Variants in MGST1 observed in about 807,000 individuals in gnomAD.
MGST1 encodes glutathione S-transferase 12.
A neutral mutation model predicts 8.9 loss-of-function variants in MGST1; 5 were observed. The ratio of observed to expected loss-of-function variants is 0.56; its 90% CI spans 0.29 to 1.19. The LOEUF (loss-of-function observed/expected upper bound fraction) is 1.19. Among genes scored for constraint, MGST1 ranks in the 50% most tolerant of loss-of-function variants. The probability of loss-of-function intolerance (pLI) is 0.08; values close to 1 mark genes in which losing one functional copy is unlikely to be tolerated. For missense variants in MGST1, 182 were observed against 187.4 expected (o/e 0.97, Z 0.17); for synonymous variants, 54 against 67.8 (o/e 0.80, Z 1.00).
At chr12:16,476,239 A>G (rs1941322339) in intron 4 of MGST1, among the ~76,000 whole-genome samples, 1 of 152,206 alleles carries the variant, frequency 6.6e-6, no homozygotes, top group Admixed American at 6.5e-5. Flanking sequence ...GACATCAAAC[A>G]CTAAGCAGGA....
intron 1 of MGST1, chr12:16,402,335 G>T: frequency 6.3e-7 from 1 of 1,598,650 alleles, no homozygotes; most frequent in Non-Finnish European, 8.6e-7. Context: ...CTCAACGTTG[G>T]CATACTCATC....
At chr12:16,364,442 A>G (rs1940146013), downstream of MGST1, 1 of 972,404 alleles carries the variant, frequency 1.0e-6, no homozygotes, top group African/African-American at 1.8e-5. The surrounding 1 kb of genome is among the most constrained non-coding windows in gnomAD (Gnocchi z 5.7). Flanking sequence ...CCAACATTTT[A>G]TTTTCAAAAG....
rs1208911743 is a variant in MGST1 at position 16,401,626 on chromosome 12, T to A, written n.778+18022T>A. On this transcript the variant is annotated intron_variant and non_coding_transcript_variant, in intron 1 of 1. Transcript: ENST00000359720. The surrounding 1 kb of genome is among the most constrained non-coding windows in gnomAD (Gnocchi z 4.3). Reference sequence around the variant, plus strand: ...GCACAAGTGATAGCCCCAAAATACATGTGATTCTTGTCACTCACCACACTG... The same window carrying A: ...GCACAAGTGATAGCCCCAAAATACAAGTGATTCTTGTCACTCACCACACTG... The A allele has an allele frequency of 6.3e-7, 1 of 1,577,216 alleles. No individual in the cohort carries two copies. The highest frequency in any genetic ancestry group is 1.3e-5 in the African/African-American group (1 of 74,152).
At chr12:16,402,362 T>C in intron 1 of MGST1, 1 of 1,603,398 alleles carries the variant, frequency 6.2e-7, no homozygotes, top group Admixed American at 1.7e-5. Context: ...TTTCTGCCAA[T>C]TGCTGTACAG....
rs773319605 is a variant in MGST1, at chr12:16,586,706, A to G, written n.483-2822A>G. On this transcript the variant is annotated intron_variant and non_coding_transcript_variant, in intron 4 of 4. Coordinates refer to the MGST1 transcript ENST00000538857. This position sits in a 1 kb window ranked among gnomAD's most constrained non-coding sequence, Gnocchi z 4.3. The stretch of plus-strand genomic sequence containing the variant: ...CAAGATACACATCTTTTGACCCCCC[A>G]TTGCAGTAGATGATGTTTTTTTCCA... Among the ~76,000 whole-genome samples, 4 of 152,138 alleles carry G rather than the reference A, an allele frequency of 2.6e-5. No individual in the cohort carries two copies. The highest frequency in any genetic ancestry group is 5.9e-5 in the Non-Finnish European group (4 of 68,014).
At chr12:16,390,206 A>C (rs1329036035) in intron 1 of MGST1, among the ~76,000 whole-genome samples, 2 of 152,248 alleles carry the variant, frequency 1.3e-5, no homozygotes, top group Non-Finnish European at 2.9e-5. Context: ...GGGGAAAAAA[A>C]AAAAGAACAA....
chr12:16,547,887 G>T lies in MGST1; in HGVS notation n.483-41641G>T, dbSNP rs1054527024. 6.6e-6 allele frequency among the ~76,000 whole-genome samples: 1 copy of T among 152,162 alleles called. No homozygotes were observed. Among genetic ancestry groups the T allele is most frequent in the African/African-American group, 2.4e-5 (1 of 41,446 alleles). Reference sequence around the variant, plus strand: ...AACTGTTTAAGTGATGATTCAGAGAGTGGTTTGCCTAAAGTGATAGTTAAA... The same window carrying T: ...AACTGTTTAAGTGATGATTCAGAGATTGGTTTGCCTAAAGTGATAGTTAAA... On this transcript the variant is annotated intron_variant and non_coding_transcript_variant, in intron 4 of 4. Transcript: ENST00000538857. This position sits in a 1 kb window ranked among gnomAD's most constrained non-coding sequence, Gnocchi z 4.6.
intron 3 of MGST1, 128 bp downstream of exon 3, chr12:16,357,827 A>G (rs1234241735): frequency 9.1e-6 from 6 of 660,398 alleles, no homozygotes; most frequent in Non-Finnish European, 1.3e-5. Flanking sequence ...CCACATGACA[A>G]TTACAGAAAA....
intron 1 of MGST1, among the ~76,000 whole-genome samples, chr12:16,424,324 C>A (rs1940866663): frequency 6.6e-6 from 1 of 152,168 alleles, no homozygotes; most frequent in African/African-American, 2.4e-5. Context: ...TTGGAAGAAA[C>A]AGACAATATT....
intron 4 of MGST1, among the ~76,000 whole-genome samples, chr12:16,516,922 C>A (rs1941618679): frequency 2.0e-5 from 3 of 152,138 alleles, no homozygotes; most frequent in African/African-American, 4.8e-5. Flanking sequence ...ACTTAACTTA[C>A]AATTAGCGAG....
At chr12:16,415,356 T>C (rs1307184025) in intron 1 of MGST1, among the ~76,000 whole-genome samples, 1 of 148,730 alleles carries the variant, frequency 6.7e-6, no homozygotes, top group Non-Finnish European at 1.5e-5. Flanking sequence ...TCATCTGATT[T>C]CCATGGCCAT....
chr12:16,418,948 T>C (rs1006091296), intron 1 of MGST1, among the ~76,000 whole-genome samples: 2 of 152,032 alleles, frequency 1.3e-5, no homozygotes, highest in Non-Finnish European at 2.9e-5. Flanking sequence ...TCAGAGCTTA[T>C]ATGTTTAGTG....
intron 4 of MGST1, among the ~76,000 whole-genome samples, chr12:16,460,668 T>C (rs1325448623): frequency 6.6e-6 from 1 of 151,774 alleles, no homozygotes; most frequent in Non-Finnish European, 1.5e-5. Context: ...TTTAATAACT[T>C]CTAACTCATT....
intron 4 of MGST1, among the ~76,000 whole-genome samples, chr12:16,510,230 T>C (rs1591748141): frequency 6.6e-6 from 1 of 151,920 alleles, no homozygotes; most frequent in Non-Finnish European, 1.5e-5. Context: ...ACAGGAGATA[T>C]GACCTTATTT....
At chr12:16,524,959 T>C (rs937364553) in intron 4 of MGST1, among the ~76,000 whole-genome samples, 3 of 152,044 alleles carry the variant, frequency 2.0e-5, no homozygotes, top group Admixed American at 2.0e-4. Flanking sequence ...TGTAATCCTA[T>C]AGATGGCCAC....
downstream of MGST1, among the ~76,000 whole-genome samples, chr12:16,380,043 A>T (rs1303157756): frequency 3.3e-5 from 5 of 151,360 alleles, no homozygotes; most frequent in Non-Finnish European, 5.9e-5. Flanking sequence ...TTTCTTCTTT[A>T]TTAGTCTTGC....
In MGST1 at chr12:16,482,539, G is replaced by A. The variant is rs566794781; in HGVS notation, n.482+98935G>A. 8.6e-5 allele frequency among the ~76,000 whole-genome samples: 13 copies of A among 151,998 alleles called. No individual in the cohort carries two copies. Among genetic ancestry groups the A allele is most frequent in the African/African-American group, 3.1e-4 (13 of 41,452 alleles). On this transcript the variant is annotated intron_variant and non_coding_transcript_variant, in intron 4 of 4. Transcript: ENST00000538857. This position sits in a 1 kb window ranked among gnomAD's most constrained non-coding sequence, Gnocchi z 4.2. ...CTAGCTACTCGGGAGGCCGAGGCAG[G>A]AGAATTGCTTGAAACTGGGAGGTGG...
chr12:16,360,255 A>C, intron 3 of MGST1: 1 of 718,862 alleles, frequency 1.4e-6, no homozygotes, highest in East Asian at 1.3e-4. Context: ...TTCCCTTTCC[A>C]TTTTTAAGTT....
At chr12:16,535,713 A>ATAT (rs1464010475) in intron 4 of MGST1, among the ~76,000 whole-genome samples, 1 of 152,182 alleles carries the variant, frequency 6.6e-6, no homozygotes, top group Non-Finnish European at 1.5e-5. Flanking sequence ...GGCTCTTAAT[A>ATAT]TATTTCCCAC....
Sources: gnomAD v4.1 joint callset for allele counts (sites outside exome capture counted in the v4.1 genomes callset) on GRCh38, gnomAD v4.1.1 for gene constraint, Gnocchi (gnomAD v3.1) non-coding constraint, MANE v1.5 for transcripts, NCBI Gene and HGNC (gene_info 2026-07-23, HGNC 2026-07-21) for gene names.